Variants in STPG2 observed in about 807,000 individuals in gnomAD.
STPG2 encodes sperm-tail PG-rich repeat-containing protein 2.
STPG2 carries 56 observed loss-of-function variants against 54.2 expected under a neutral mutation model. That is an observed-to-expected ratio of 1.03 (90% CI 0.83 to 1.29). STPG2 has a LOEUF of 1.29. Among genes scored for constraint, STPG2 ranks in the 50% most tolerant of loss-of-function variants. STPG2 has a pLI of 0.00. For synonymous variants in STPG2, 200 were observed against 181.8 expected (o/e 1.10, Z -0.81); for missense variants, 596 against 544.9 (o/e 1.09, Z -0.93).
intron 9 of STPG2, among the ~76,000 whole-genome samples, chr4:97,789,298 T>C (rs1726921304): frequency 6.6e-6 from 1 of 152,016 alleles, no homozygotes; most frequent in South Asian, 2.1e-4. Context: ...TACTCATATA[T>C]CAATTTTCTT....
intron 8 of STPG2, among the ~76,000 whole-genome samples, chr4:97,881,541 T>C (rs1261697178): frequency 6.6e-6 from 1 of 152,150 alleles, no homozygotes; most frequent in Admixed American, 6.6e-5. Flanking sequence ...CCTATAGTCA[T>C]AAATAAAATG....
chr4:97,962,991 T>A (rs2149249463), intron 7 of STPG2, among the ~76,000 whole-genome samples: 1 of 152,184 alleles, frequency 6.6e-6, no homozygotes, highest in Non-Finnish European at 1.5e-5. Flanking sequence ...AAACCCCATC[T>A]CTACTAAAAA....
intron 10 of STPG2, among the ~76,000 whole-genome samples, chr4:97,706,498 T>A (rs905572485): frequency 3.3e-5 from 5 of 152,168 alleles, no homozygotes; most frequent in Non-Finnish European, 5.9e-5. Flanking sequence ...CACAAAACAC[T>A]AAATTTTATC....
chr4:97,907,441 C>A (rs1731478863), intron 8 of STPG2, among the ~76,000 whole-genome samples: 1 of 152,098 alleles, frequency 6.6e-6, no homozygotes, highest in African/African-American at 2.4e-5. Flanking sequence ...GGCCATACTG[C>A]CCAAGGTAAT....
At chr4:97,903,689 G>C (rs190968112) in intron 8 of STPG2, among the ~76,000 whole-genome samples, 1 of 152,194 alleles carries the variant, frequency 6.6e-6, no homozygotes, top group Non-Finnish European at 1.5e-5. Context: ...CTGAGGTACT[G>C]GGTTCATCTC....
intron 8 of STPG2, among the ~76,000 whole-genome samples, chr4:97,853,233 T>G (rs1425402997): frequency 1.3e-5 from 2 of 152,070 alleles, no homozygotes; most frequent in Non-Finnish European, 2.9e-5. Context: ...CCCAAAGTGC[T>G]GGGATTACAG....
intron 9 of STPG2, among the ~76,000 whole-genome samples, chr4:97,734,082 C>T (rs1724894004): frequency 6.6e-6 from 1 of 152,106 alleles, no homozygotes; most frequent in Admixed American, 6.5e-5. Context: ...TTGTCTTGTT[C>T]CTGATCTTAA....
At chr4:97,998,925 A>AG (rs1464918210) in intron 5 of STPG2, among the ~76,000 whole-genome samples, 1 of 152,134 alleles carries the variant, frequency 6.6e-6, no homozygotes, top group African/African-American at 2.4e-5. Context: ...TAGAGAGGGG[A>AG]GAAAAAGTTC....
chr4:97,449,642 T>A (rs1485887423), intron 4 of STPG2, among the ~76,000 whole-genome samples: 2 of 152,188 alleles, frequency 1.3e-5, no homozygotes, highest in Non-Finnish European at 2.9e-5. Flanking sequence ...CCTCTTTTTT[T>A]AATCTTCCCC....
At chr4:97,889,162 G>T (rs1160530435) in intron 8 of STPG2, among the ~76,000 whole-genome samples, 2 of 152,114 alleles carry the variant, frequency 1.3e-5, no homozygotes, top group Admixed American at 1.3e-4. Context: ...TTATCAAAAA[G>T]GCAAAAGACA....
At chr4:97,961,420 C>T (rs1398607032) in intron 7 of STPG2, among the ~76,000 whole-genome samples, 1 of 152,262 alleles carries the variant, frequency 6.6e-6, no homozygotes. Context: ...AGTAAACAGA[C>T]AACCCATAGA....
At chr4:98,036,623 C>A (rs1224906253) in intron 5 of STPG2, among the ~76,000 whole-genome samples, 2 of 150,982 alleles carry the variant, frequency 1.3e-5, no homozygotes, top group African/African-American at 2.4e-5. Context: ...ACATGGACAC[C>A]GAGAGGAACA....
intron 5 of STPG2, among the ~76,000 whole-genome samples, chr4:98,103,860 G>A (rs1477893216): frequency 6.6e-6 from 1 of 151,658 alleles, no homozygotes; most frequent in Non-Finnish European, 1.5e-5. Context: ...CTCTTCTATA[G>A]CAACCTCATT....
chr4:97,520,842 T>G (rs1731165739), intron 4 of STPG2, among the ~76,000 whole-genome samples: 1 of 152,010 alleles, frequency 6.6e-6, no homozygotes, highest in African/African-American at 2.4e-5. Context: ...TGTATTTAAG[T>G]GTAAAGGGTA....
At position 97,744,154 on chromosome 4, in the gene STPG2, T is replaced by C. The variant is rs73834186; in HGVS notation, c.1205-31340A>G. Among the ~76,000 whole-genome samples the C allele has an allele frequency of 6.0e-3, 910 of 151,626 alleles. 9 individuals are homozygous for C. The highest frequency in any genetic ancestry group is 0.021 in the African/African-American group (859 of 41,494). The stretch of plus-strand genomic sequence containing the variant: ...CTCTTAAATCACATCTTTCCACATA[T>C]ATATGAGAATAATGAAACAATGGTT... On this transcript the variant is annotated intron_variant, in intron 9 of 10. Transcript: ENST00000295268.
At chr4:97,666,434 A>G (rs977481345) in intron 10 of STPG2, among the ~76,000 whole-genome samples, 28 of 152,238 alleles carry the variant, frequency 1.8e-4, no homozygotes, top group Non-Finnish European at 2.9e-5. Flanking sequence ...CACCTAATAA[A>G]TAATACTTCT....
intron 1 of STPG2, among the ~76,000 whole-genome samples, chr4:98,138,340 C>T (rs1025966337): frequency 4.6e-5 from 7 of 151,680 alleles, no homozygotes; most frequent in Non-Finnish European, 8.8e-5. Flanking sequence ...ATCAAACTGA[C>T]AGAAAGAAGA....
intron 10 of STPG2, among the ~76,000 whole-genome samples, chr4:97,579,819 A>G (rs1732818635): frequency 6.6e-6 from 1 of 152,060 alleles, no homozygotes; most frequent in South Asian, 2.1e-4. Flanking sequence ...TAAACTGTGC[A>G]ATTAAAAAAC....
intron 4 of STPG2, among the ~76,000 whole-genome samples, chr4:97,443,056 T>G (rs1359420153): frequency 6.6e-6 from 1 of 152,016 alleles, no homozygotes; most frequent in East Asian, 1.9e-4. Context: ...ACAAATAAAA[T>G]CTATAGAATT....
Sources: allele counts gnomAD v4.1 joint callset (sites outside exome capture counted in the v4.1 genomes callset), GRCh38; gene constraint gnomAD v4.1.1; transcripts MANE v1.5; gene names NCBI Gene and HGNC (gene_info 2026-07-23, HGNC 2026-07-21).